NCAPD3: variants seen among roughly 807,000 people sequenced by gnomAD.
The protein encoded by NCAPD3 is condensin-2 complex subunit D3.
Under a neutral mutation model 182.9 loss-of-function variants are expected in NCAPD3, and 105 were observed. That is an observed-to-expected ratio of 0.57 (90% confidence interval 0.49 to 0.68). The LOEUF is 0.68. Ranked by LOEUF, NCAPD3 falls within the 30% of genes least tolerant of loss-of-function variation. NCAPD3 has a pLI of 0.00. For synonymous variants in NCAPD3, 815 were observed against 679.9 expected (o/e 1.20, Z -3.09); for missense variants, 1,944 against 1,837.0 (o/e 1.06, Z -1.07).
At chr11:134,171,197 C>G (rs1478127802) in intron 24 of NCAPD3, among the ~76,000 whole-genome samples, 1 of 152,166 alleles carries the variant, frequency 6.6e-6, no homozygotes, top group Non-Finnish European at 1.5e-5. Context: ...CCCACACCAC[C>G]AACTCAGGGA....
rs116181077 is a variant in NCAPD3 at position 134,212,920 on chromosome 11, T to A, written c.383-2466A>T. ...TGAGCAAAAAACAGGTTTAAAGAAA[T>A]AGAAAATAAATAGAAAAATGGCAGA... On this transcript the variant is annotated intron_variant, in intron 3 of 34. Transcript: ENST00000534548. Among the ~76,000 whole-genome samples the A allele has an allele frequency of 5.8e-3, 880 of 151,930 alleles. 6 individuals are homozygous for A. Among genetic ancestry groups the A allele is most frequent in the African/African-American group, 0.02 (829 of 41,454 alleles).
chr11:134,214,712 G>A (rs1381948158), intron 3 of NCAPD3, among the ~76,000 whole-genome samples: 1 of 152,156 alleles, frequency 6.6e-6, no homozygotes, highest in Non-Finnish European at 1.5e-5. Flanking sequence ...TCAGGCATGA[G>A]AGGAGATCAC....
chr11:134,160,150 T>G, intron 28 of NCAPD3, 76 bp from the exon 29 acceptor site: 1 of 1,473,530 alleles, frequency 6.8e-7, no homozygotes, highest in Non-Finnish European at 9.2e-7. Flanking sequence ...ACGACACACC[T>G]TCGCCTGTGT....
intron 2 of NCAPD3, among the ~76,000 whole-genome samples, chr11:134,220,166 G>C (rs979521513): frequency 8.6e-5 from 13 of 151,232 alleles, no homozygotes; most frequent in African/African-American, 3.2e-4. Context: ...TAGTTTTCTT[G>C]TTTTTGCCTT....
intron 27 of NCAPD3, among the ~76,000 whole-genome samples, chr11:134,165,150 CTT>C (rs1943733610): frequency 6.7e-6 from 1 of 148,570 alleles, no homozygotes; most frequent in South Asian, 2.1e-4. Flanking sequence ...AGCACACTCA[CTT>C]GTGAGATGAG....
At chr11:134,169,507 C>G (rs534479358) in intron 24 of NCAPD3, among the ~76,000 whole-genome samples, 2 of 152,314 alleles carry the variant, frequency 1.3e-5, no homozygotes, top group South Asian at 4.1e-4. Flanking sequence ...ATTTTAGTAA[C>G]TGGAACTTTT....
intron 1 of NCAPD3, 150 bp downstream of exon 1, chr11:134,223,713 G>T: frequency 1.1e-6 from 1 of 890,120 alleles, no homozygotes; most frequent in Non-Finnish European, 1.7e-6. Context: ...CGCAATCCTG[G>T]CGTGGCACGG....
intron 1 of NCAPD3, 26 bp from the exon 2 acceptor site, chr11:134,220,752 T>C (rs1487540131): frequency 1.3e-6 from 2 of 1,595,516 alleles, no homozygotes; most frequent in Admixed American, 3.4e-5. Flanking sequence ...ATGAAATGTG[T>C]AAGTACTCTG....
chr11:134,163,925 G>A (rs1326014166), intron 27 of NCAPD3, among the ~76,000 whole-genome samples: 2 of 151,494 alleles, frequency 1.3e-5, no homozygotes, highest in African/African-American at 2.4e-5. Flanking sequence ...TGGCAGCAAG[G>A]TGGTACATGG....
chr11:134,164,037 G>C, intron 27 of NCAPD3, among the ~76,000 whole-genome samples: 1 of 152,188 alleles, frequency 6.6e-6, no homozygotes, highest in Non-Finnish European at 1.5e-5. Flanking sequence ...ATTGGTAAGA[G>C]AAAACAGGCA....
intron 27 of NCAPD3, among the ~76,000 whole-genome samples, chr11:134,167,366 GC>G: frequency 1.1e-5 from 1 of 87,948 alleles, no homozygotes. Flanking sequence ...CTTGGGGGAG[GC>G]GCACACTCGT....
chr11:134,178,801 G>A, intron 21 of NCAPD3, 21 bp downstream of exon 21: 1 of 1,612,960 alleles, frequency 6.2e-7, no homozygotes, highest in Non-Finnish European at 8.5e-7. Context: ...GTGCTACAGA[G>A]TATGATTTCA....
At position 134,169,111 on chromosome 11, in the gene NCAPD3, T is replaced by C. The variant is rs558977462; in HGVS notation, c.3102-57A>G. On this transcript the variant is annotated intron_variant, in intron 24 of 34. Coordinates refer to ENST00000534548, the MANE Select transcript of NCAPD3 (RefSeq NM_015261.3). ...CCATTTGCTATGTACCAACAGTCTC[T>C]GAATACACCAAGAACTCTGCTGAGC... 11 of 1,549,744 alleles carry C rather than the reference T, an allele frequency of 7.1e-6. No homozygotes were observed. The East Asian group carries it at 2.5e-4, about 35-fold the overall frequency.
intron 18 of NCAPD3, 48 bp downstream of exon 18, chr11:134,184,855 A>C (rs746691381): frequency 9.1e-6 from 13 of 1,434,666 alleles, no homozygotes; most frequent in Non-Finnish European, 1.3e-5. Context: ...ACACACCTGA[A>C]ATGAACAGCA....
intron 32 of NCAPD3, among the ~76,000 whole-genome samples, chr11:134,155,428 G>C (rs558026385): frequency 6.6e-6 from 1 of 152,178 alleles, no homozygotes; most frequent in Non-Finnish European, 1.5e-5. Flanking sequence ...TCAGTATAAA[G>C]AGAGACGGAC....
Position 134,185,466 on chromosome 11 carries a change from A to G in NCAPD3, c.2106T>C (p.Phe702=), listed in dbSNP as rs557650642. Residue 702 remains phenylalanine, a synonymous_variant, in exon 17 of 35, where the codon TTT becomes TTC. Transcript: ENST00000534548. ...CAGTGTGAGATATTACATTGTTTAT[A>G]AAAGTGGGTGAGAATTTTTCTTTCT... ...WSKKEKFSPT[F]INNVISHTGT... is the part of the protein sequence containing the mutation. 39 of 1,613,362 alleles carry G rather than the reference A, an allele frequency of 2.4e-5. No homozygotes were observed. In the East Asian group the frequency reaches 8.2e-4, roughly 34 times the overall value.
intron 20 of NCAPD3, among the ~76,000 whole-genome samples, chr11:134,179,853 A>G (rs1335944770): frequency 6.6e-6 from 1 of 152,234 alleles, no homozygotes; most frequent in Non-Finnish European, 1.5e-5. Context: ...TAAGAAAGCC[A>G]ATAACAAAGT....
chr11:134,178,032 G>C (rs1315023560), intron 22 of NCAPD3: 1 of 152,094 alleles, frequency 6.6e-6, no homozygotes, highest in East Asian at 1.9e-4. Context: ...AACTTAGGTA[G>C]CATGAAATAT....
chr11:134,223,427 C>T (rs1938318100), intron 1 of NCAPD3: 2 of 702,338 alleles, frequency 2.8e-6, no homozygotes, highest in African/African-American at 1.7e-5. Context: ...TTTGGGAATC[C>T]CATTTTCACT....
Sources: gnomAD v4.1 joint callset for allele counts (sites outside exome capture counted in the v4.1 genomes callset) on GRCh38, gnomAD v4.1.1 for gene constraint, MANE v1.5 for transcripts, NCBI Gene and HGNC (gene_info 2026-07-23, HGNC 2026-07-21) for gene names.